Variants in YTHDF2 observed in about 807,000 individuals in gnomAD.
The protein encoded by YTHDF2 is YTH N6-methyladenosine RNA binding protein F2.
In YTHDF2, 2 loss-of-function variants were observed where a neutral mutation model predicts 50.4. The ratio of observed to expected loss-of-function variants is 0.04; its 90% CI spans 0.02 to 0.12. YTHDF2 has a LOEUF of 0.12. Ranked by LOEUF, YTHDF2 falls within the 10% of genes least tolerant of loss-of-function variation. YTHDF2 has a pLI of 1.00. For missense variants in YTHDF2, 483 were observed against 722.6 expected (o/e 0.67, Z 3.80); for synonymous variants, 217 against 255.6 (o/e 0.85, Z 1.44).
In YTHDF2 at chr1:28,742,434, A is replaced by C. The variant is rs1220718887; in HGVS notation, c.164A>C (p.Tyr55Ser). The C allele has an allele frequency of 1.3e-6, 2 of 1,585,962 alleles. No individual in the cohort carries two copies. The highest frequency in any genetic ancestry group is 8.6e-7 in the Non-Finnish European group (1 of 1,168,906). ...NNAYTAMSDSYLPSYYSPSIG... is the reference protein window; with the variant it reads ...NNAYTAMSDSSLPSYYSPSIG... ...GCATATACTGCCATGTCAGATTCCT[A>C]CTTACCCAGTTACTACAGTCCCTCC... is the stretch of plus-strand genomic sequence containing the variant. The change falls in exon 4 of 5, where the codon TAC becomes TCC. Residue 55 changes from tyrosine to serine, a missense_variant. Transcript: ENST00000373812.
intron 4 of YTHDF2, among the ~76,000 whole-genome samples, chr1:28,761,589 T>C (rs189907100): frequency 4.4e-4 from 67 of 152,114 alleles, no homozygotes; most frequent in African/African-American, 1.5e-3. Flanking sequence ...AATACAAAAT[T>C]AGCTGGGCAT....
chr1:28,747,553 C>CTTT (rs543795451), intron 4 of YTHDF2, among the ~76,000 whole-genome samples: 2 of 131,976 alleles, frequency 1.5e-5, no homozygotes, highest in Admixed American at 7.6e-5. Flanking sequence ...TCCATAAAGA[C>CTTT]TTTTTTTTTT....
rs1173920283 is a variant in YTHDF2 at position 28,737,663 on chromosome 1, A to G, written c.33A>G (p.Pro11=). The G allele has an allele frequency of 3.1e-6, 5 of 1,613,610 alleles. No individual in the cohort carries two copies. The highest frequency in any genetic ancestry group is 4.2e-6 in the Non-Finnish European group (5 of 1,179,806). The change falls in exon 2 of 5, where the codon CCA becomes CCG. Residue 11 remains proline (P), a synonymous_variant. Transcript: ENST00000373812. MSASSLLEQR[P]KGQGNKVQNG... ...GACGTTTCCTTCCCCTGCAGAGACC[A>G]AAAGGTCAAGGAAACAAAGGTAAGT...
intron 4 of YTHDF2, among the ~76,000 whole-genome samples, chr1:28,765,878 C>T (rs1012710550): frequency 1.3e-5 from 2 of 152,184 alleles, no homozygotes; most frequent in African/African-American, 4.8e-5. Context: ...CATGTCTTTT[C>T]TCCTAGGTAT....
At chr1:28,759,280 GGAGGAAGAGTTGGTTTCA>G (rs1190805762) in intron 4 of YTHDF2, among the ~76,000 whole-genome samples, 4 of 152,170 alleles carry the variant, frequency 2.6e-5, no homozygotes, top group Non-Finnish European at 5.9e-5. Flanking sequence ...CTGGAGCTCT[GGAGGAAGAGTTGGTTTCA>G]TATCTGCCGC....
chr1:28,768,583 T>C (rs1487596464), intron 4 of YTHDF2, among the ~76,000 whole-genome samples: 1 of 152,150 alleles, frequency 6.6e-6, no homozygotes, highest in Admixed American at 6.6e-5. Context: ...TAGTGTACTA[T>C]GTATGTATGT....
intron 4 of YTHDF2, among the ~76,000 whole-genome samples, chr1:28,753,607 GT>G (rs2087991035): frequency 6.6e-6 from 1 of 151,544 alleles, no homozygotes. Flanking sequence ...CTTATGGTAT[GT>G]TTTCAGAATG....
At chr1:28,744,842 A>T (rs1332955907) in intron 4 of YTHDF2, among the ~76,000 whole-genome samples, 1 of 151,574 alleles carries the variant, frequency 6.6e-6, no homozygotes, top group East Asian at 1.9e-4. Context: ...CTAGTTTTTC[A>T]TGTTTTTTGT....
At chr1:28,755,189 T>G (rs2088018633) in intron 4 of YTHDF2, among the ~76,000 whole-genome samples, 1 of 152,108 alleles carries the variant, frequency 6.6e-6, no homozygotes, top group South Asian at 2.1e-4. Context: ...TTGTATTGGC[T>G]TTTGGAAATA....
chr1:28,758,817 A>C (rs2088071550), intron 4 of YTHDF2, among the ~76,000 whole-genome samples: 1 of 152,164 alleles, frequency 6.6e-6, no homozygotes, highest in Admixed American at 6.6e-5. Context: ...GTGGGCCTGC[A>C]CAGTGGTGAG....
At chr1:28,768,818 T>G in intron 4 of YTHDF2, 111 bp from the exon 5 acceptor site, 1 of 860,182 alleles carries the variant, frequency 1.2e-6, no homozygotes, top group South Asian at 2.2e-5. Context: ...ATTAATTTTC[T>G]AATAATTCTA....
At chr1:28,756,699 G>A (rs2088040126) in intron 4 of YTHDF2, among the ~76,000 whole-genome samples, 1 of 152,146 alleles carries the variant, frequency 6.6e-6, no homozygotes, top group Admixed American at 6.6e-5. Context: ...TCTTCTAAAG[G>A]TGTTGGGTGA....
intron 4 of YTHDF2, among the ~76,000 whole-genome samples, chr1:28,744,730 A>G (rs2087832478): frequency 6.6e-6 from 1 of 151,888 alleles, no homozygotes; most frequent in South Asian, 2.1e-4. Context: ...GTGCAGTGGC[A>G]TGATGTCCGC....
intron 4 of YTHDF2, among the ~76,000 whole-genome samples, chr1:28,765,873 C>A (rs112989760): frequency 2.6e-5 from 4 of 152,268 alleles, no homozygotes; most frequent in South Asian, 2.1e-4. Context: ...GACATCATGT[C>A]TTTTCTCCTA....
chr1:28,768,280 A>C (rs1465189155), intron 4 of YTHDF2, among the ~76,000 whole-genome samples: 1 of 152,096 alleles, frequency 6.6e-6, no homozygotes, highest in Non-Finnish European at 1.5e-5. Context: ...TTTCTGAAAG[A>C]CTCATAAACA....
At chr1:28,741,278 G>A (rs1311601252) in intron 3 of YTHDF2, among the ~76,000 whole-genome samples, 2 of 152,090 alleles carry the variant, frequency 1.3e-5, no homozygotes, top group African/African-American at 2.4e-5. Context: ...AATTACAGGC[G>A]TGAGCCACTG....
chr1:28,759,219 G>A (rs917294771), intron 4 of YTHDF2, among the ~76,000 whole-genome samples: 87 of 152,136 alleles, frequency 5.7e-4, no homozygotes, highest in African/African-American at 2.0e-3. Context: ...GGTAGAGCAT[G>A]AATTATGGAT....
At chr1:28,738,735 A>T (rs1341603769) in intron 3 of YTHDF2, among the ~76,000 whole-genome samples, 1 of 152,182 alleles carries the variant, frequency 6.6e-6, no homozygotes, top group Non-Finnish European at 1.5e-5. Context: ...CACCACGCCT[A>T]GCCGAGGATT....
intron 4 of YTHDF2, among the ~76,000 whole-genome samples, chr1:28,745,481 C>G (rs956563146): frequency 3.4e-4 from 52 of 152,152 alleles, no homozygotes; most frequent in African/African-American, 1.2e-3. Context: ...CGCCTATAAT[C>G]CCAGCACTTT....
Sources: gnomAD v4.1 joint callset for allele counts (sites outside exome capture counted in the v4.1 genomes callset) on GRCh38, gnomAD v4.1.1 for gene constraint, MANE v1.5 for transcripts, NCBI Gene and HGNC (gene_info 2026-07-23, HGNC 2026-07-21) for gene names.